FUT8: variants seen among roughly 807,000 people sequenced by gnomAD.
The protein encoded by FUT8 is fucosyltransferase 8, also known as alpha-(1,6)-fucosyltransferase.
FUT8 carries 29 observed loss-of-function variants against 71.3 expected under a neutral mutation model. The observed-to-expected ratio is 0.41, with a 90% CI of 0.30 to 0.55. The LOEUF is 0.55. Among genes scored for constraint, FUT8 ranks in the 20% least tolerant of loss-of-function variants. The pLI is 0.34. For synonymous variants in FUT8, 254 were observed against 239.3 expected (o/e 1.06, Z -0.57); for missense variants, 544 against 702.1 (o/e 0.77, Z 2.55).
At chr14:65,437,015 C>T (rs1422078068) in intron 1 of FUT8, among the ~76,000 whole-genome samples, 1 of 152,252 alleles carries the variant, frequency 6.6e-6, no homozygotes, top group Admixed American at 6.5e-5. Context: ...AGGTACTCAA[C>T]TCTGCCATTT....
In FUT8 at chr14:65,619,455, C is replaced by G. The variant is rs145342778; in HGVS notation, c.482+3082C>G. On this transcript the variant is annotated intron_variant, in intron 5 of 10. Coordinates refer to ENST00000673929, the MANE Select transcript of FUT8 (RefSeq NM_001371533.1). ...TGCATTACCAGGCATTAAAATGCAG[C>G]CTGGGGGCCAAATATCATAAGTTTG... is the stretch of plus-strand genomic sequence containing the variant. 2.8e-3 allele frequency among the ~76,000 whole-genome samples: 433 copies of G among 152,216 alleles called. 6 individuals carry two copies. Among genetic ancestry groups the G allele is most frequent in the Middle Eastern group, 0.01 (3 of 294 alleles).
upstream of FUT8, among the ~76,000 whole-genome samples, chr14:65,408,301 T>A (rs1412505844): frequency 6.6e-6 from 1 of 152,174 alleles, no homozygotes; most frequent in African/African-American, 2.4e-5. Context: ...CATGAACTGT[T>A]CTACCTGGAA....
chr14:65,584,326 C>G (rs1021165057), intron 3 of FUT8, among the ~76,000 whole-genome samples: 13 of 152,066 alleles, frequency 8.5e-5, no homozygotes, highest in Non-Finnish European at 1.8e-4. Flanking sequence ...TTATAGGCGG[C>G]CACCACCACA....
chr14:65,373,464 G>T, the FUT8 span, among the ~76,000 whole-genome samples: 4 of 151,924 alleles, frequency 2.6e-5, no homozygotes, highest in African/African-American at 9.7e-5. Context: ...GGCAGTCAGA[G>T]AGGAGATAGG....
rs2066099375 is a variant in FUT8, at chr14:65,469,308, C to T, written c.-228+13590C>T. On this transcript the variant is annotated intron_variant, in intron 2 of 10. Transcript: ENST00000673929. Reference sequence around the variant, plus strand: ...TGTATTTTTTGCCTTTATAGTGCCTCATAATTTTTTTTCATAGCCAGACAG... The same window carrying T: ...TGTATTTTTTGCCTTTATAGTGCCTTATAATTTTTTTTCATAGCCAGACAG... Among the ~76,000 whole-genome samples, 5 of 152,094 alleles carry T rather than the reference C, an allele frequency of 3.3e-5. No individual in the cohort carries two copies. The South Asian group carries it at 8.3e-4, about 25-fold the overall frequency.
At chr14:65,389,833 A>G in the FUT8 span, among the ~76,000 whole-genome samples, 2 of 151,302 alleles carry the variant, frequency 1.3e-5, no homozygotes, top group Non-Finnish European at 2.9e-5. Flanking sequence ...AAGGAAAAAG[A>G]AACATGCATA....
intron 2 of FUT8, among the ~76,000 whole-genome samples, chr14:65,463,277 A>T (rs1037568964): frequency 2.6e-5 from 4 of 151,998 alleles, no homozygotes; most frequent in Admixed American, 1.3e-4. Flanking sequence ...TTCTTTATTA[A>T]TTTTTTTGAG....
chr14:65,714,419 TTTTA>T (rs55846929), intron 7 of FUT8, among the ~76,000 whole-genome samples: 22,210 of 145,314 alleles, frequency 0.15, 2,511 homozygotes, highest in African/African-American at 0.32. Context: ...TCCATATAAA[TTTTA>T]TTTATTTATT....
Position 65,742,130 on chromosome 14 carries a change from A to C in FUT8, c.1448A>C (p.His483Pro). 6.2e-7 allele frequency: 1 copy of C among 1,612,996 alleles called. No homozygotes were observed. Among genetic ancestry groups the C allele is most frequent in the Non-Finnish European group, 8.5e-7 (1 of 1,179,292 alleles). ...RVAYEIMQTL[H>P]PDASANFHSL... ...GCTTATGAAATTATGCAAACACTAC[A>C]TCCTGATGCCTCTGCAAACTTCCAT... The change falls in exon 11 of 11, where the codon CAT becomes CCT. Residue 483 changes from histidine (H) to proline (P), a missense_variant. His to Pro is a moderately conservative substitution (Grantham distance 77). Coordinates refer to ENST00000673929, the MANE Select transcript of FUT8 (RefSeq NM_001371533.1).
rs373194071 is a variant in FUT8, at chr14:65,732,439, T to C, written c.1260-792T>C. Among the ~76,000 whole-genome samples the C allele has an allele frequency of 1.2e-4, 19 of 152,342 alleles. 3 individuals are homozygous for C. Among genetic ancestry groups the C allele is most frequent in the African/African-American group, 4.3e-4 (18 of 41,574 alleles). ...TGGAATACTGTTTGGAAGACAAACATGTAAACTGACTCCTGATGCTTCAGG... is the reference window on the plus strand; with the variant it reads ...TGGAATACTGTTTGGAAGACAAACACGTAAACTGACTCCTGATGCTTCAGG... On this transcript the variant is annotated intron_variant, in intron 9 of 10. Transcript: ENST00000673929.
At chr14:65,631,549 A>G (rs892682399) in intron 6 of FUT8, among the ~76,000 whole-genome samples, 1 of 152,154 alleles carries the variant, frequency 6.6e-6, no homozygotes, top group African/African-American at 2.4e-5. Flanking sequence ...AAAACCTAGC[A>G]CTTTACTTGG....
rs1484145254 is a variant in FUT8, at chr14:65,643,392, C to T, written c.597+13786C>T. On this transcript the variant is annotated intron_variant, in intron 6 of 10. Coordinates refer to ENST00000673929, the MANE Select transcript of FUT8 (RefSeq NM_001371533.1). This position sits in a 1 kb window ranked among gnomAD's most constrained non-coding sequence, Gnocchi z 4.5. ...GATTCTGGCCCAGCGTGGTGGCTCA[C>T]GCCTGTAATCCCAGCACTTTGGGAG... Among the ~76,000 whole-genome samples the T allele has an allele frequency of 3.3e-5, 5 of 152,154 alleles. No individual in the cohort carries two copies. The South Asian group carries it at 6.2e-4, about 19-fold the overall frequency.
intron 6 of FUT8, among the ~76,000 whole-genome samples, chr14:65,650,499 G>A (rs949083665): frequency 6.6e-6 from 1 of 151,406 alleles, no homozygotes; most frequent in South Asian, 2.1e-4. Flanking sequence ...GAGCAGGGAG[G>A]TGCCACACAC....
intron 3 of FUT8, among the ~76,000 whole-genome samples, chr14:65,567,467 G>A (rs1013191448): frequency 6.6e-6 from 1 of 151,742 alleles, no homozygotes; most frequent in African/African-American, 2.4e-5. Flanking sequence ...TTAAAAAGTG[G>A]GTTGCCTTTG....
chr14:65,545,540 T>TAAATA, intron 2 of FUT8, among the ~76,000 whole-genome samples: 1 of 152,052 alleles, frequency 6.6e-6, no homozygotes. Context: ...TTAAATTTGC[T>TAAATA]AAATAAATGA....
In FUT8 at chr14:65,627,133, A is replaced by G. The variant is rs1169525348; in HGVS notation, c.483-2359A>G. On this transcript the variant is annotated intron_variant, in intron 5 of 10. Coordinates refer to ENST00000673929, the MANE Select transcript of FUT8 (RefSeq NM_001371533.1). This position sits in a 1 kb window ranked among gnomAD's most constrained non-coding sequence, Gnocchi z 4.0. ...TTTAAATAACAAAAAACAAAAAAAT[A>G]AAAGAAGCAACCAAAAAAAAGTTCA... Among the ~76,000 whole-genome samples, 2 of 152,206 alleles carry G rather than the reference A, an allele frequency of 1.3e-5. No homozygotes were observed. The highest frequency in any genetic ancestry group is 4.8e-5 in the African/African-American group (2 of 41,452).
At chr14:65,421,075 C>G (rs2065286181) in intron 1 of FUT8, among the ~76,000 whole-genome samples, 1 of 151,606 alleles carries the variant, frequency 6.6e-6, no homozygotes, top group Non-Finnish European at 1.5e-5. Flanking sequence ...TGCCTGTAGT[C>G]TCAGCTATTC....
chr14:65,476,093 A>C (rs973135210), intron 2 of FUT8, among the ~76,000 whole-genome samples: 1 of 152,156 alleles, frequency 6.6e-6, no homozygotes, highest in South Asian at 2.1e-4. Flanking sequence ...AGTCAAGGGT[A>C]AGAGATGAGA....
rs747757643 is a variant in FUT8, at chr14:65,742,436, C to T, written c.*26C>T. On this transcript the variant is annotated 3_prime_UTR_variant, in exon 11 of 11. Transcript: ENST00000673929. Reference sequence around the variant, plus strand: ...AGCTCAGATGGAAGAGATAAACGACCAAACTCAGTTCGACCAAACTCAGTT... The same window carrying T: ...AGCTCAGATGGAAGAGATAAACGACTAAACTCAGTTCGACCAAACTCAGTT... 3 of 1,592,742 alleles carry T rather than the reference C, an allele frequency of 1.9e-6. No individual in the cohort carries two copies. The South Asian group carries it at 3.4e-5, about 18-fold the overall frequency.
Sources: allele counts gnomAD v4.1 joint callset (sites outside exome capture counted in the v4.1 genomes callset), GRCh38; gene constraint gnomAD v4.1.1; non-coding constraint Gnocchi (gnomAD v3.1); transcripts MANE v1.5; gene names NCBI Gene and HGNC (gene_info 2026-07-23, HGNC 2026-07-21).